The following DPP6 variants were observed in gnomAD, a reference collection of about 807,000 sequenced individuals.
The protein encoded by DPP6 is A-type potassium channel modulatory protein DPP6.
Under a neutral mutation model 122.6 loss-of-function variants are expected in DPP6, and 69 were observed. The ratio of observed to expected loss-of-function variants is 0.56; its 90% CI spans 0.46 to 0.69. The LOEUF is 0.69. Ranked by LOEUF, DPP6 falls within the 30% of genes least tolerant of loss-of-function variation. The pLI is 0.00. For synonymous variants in DPP6, 418 were observed against 433.1 expected, an observed-to-expected ratio of 0.97 and a Z score of 0.43; for missense variants, 928 against 1,116.9, an observed-to-expected ratio of 0.83 and a Z score of 2.41.
intron 1 of DPP6, among the ~76,000 whole-genome samples, chr7:154,036,020 T>TTGTGTGTGTG: frequency 1.8e-5 from 1 of 54,566 alleles, no homozygotes; most frequent in Non-Finnish European, 3.6e-5. Flanking sequence ...GCGCGCGCGC[T>TTGTGTGTGTG]TGTGTGTGTG....
chr7:154,689,139 A>G (rs1839797179), intron 7 of DPP6, among the ~76,000 whole-genome samples: 1 of 152,212 alleles, frequency 6.6e-6, no homozygotes, highest in Admixed American at 6.5e-5. Flanking sequence ...GCAGAACAGC[A>G]ATAGTGAAGA....
rs572217243 is a variant in DPP6, at chr7:153,912,764, C to T, written c.51+25030C>T. On this transcript the variant is annotated intron_variant, in intron 1 of 25. Transcript: ENST00000404039. The stretch of plus-strand genomic sequence containing the variant: ...AAAGTTTTCAAATCATACACGTGCA[C>T]AGACACACACACCTATGTTTTGCAG... Among the ~76,000 whole-genome samples, 216 of 152,264 alleles carry T rather than the reference C, an allele frequency of 1.4e-3. 2 individuals carry two copies. The highest frequency in any genetic ancestry group is 4.9e-3 in the African/African-American group (203 of 41,542).
intron 1 of DPP6, among the ~76,000 whole-genome samples, chr7:154,015,034 C>G (rs1165861736): frequency 6.6e-6 from 1 of 152,140 alleles, no homozygotes; most frequent in South Asian, 2.1e-4. Flanking sequence ...ACTGTTTTCT[C>G]ATTGACGTAC....
At chr7:154,235,468 C>T (rs780994074) in intron 1 of DPP6, among the ~76,000 whole-genome samples, 3 of 146,092 alleles carry the variant, frequency 2.1e-5, no homozygotes, top group Non-Finnish European at 3.0e-5. Flanking sequence ...GTTCCAAAAG[C>T]TAGAGAATTC....
intron 8 of DPP6, among the ~76,000 whole-genome samples, chr7:154,728,704 G>T (rs542662737): frequency 6.6e-6 from 1 of 152,306 alleles, no homozygotes; most frequent in African/African-American, 2.4e-5. Context: ...TCTGAAGCCT[G>T]GGAAGTCCAA....
the DPP6 span, among the ~76,000 whole-genome samples, chr7:153,858,446 C>T: frequency 6.6e-6 from 1 of 152,134 alleles, no homozygotes. Flanking sequence ...TGGCTCAAGA[C>T]GGGACTCTTG....
At chr7:154,181,203 T>G (rs1798064559) in intron 1 of DPP6, among the ~76,000 whole-genome samples, 1 of 152,232 alleles carries the variant, frequency 6.6e-6, no homozygotes, top group Admixed American at 6.5e-5. Context: ...GGAAAACTGC[T>G]GATTCTGAGT....
At chr7:154,072,669 G>A (rs1194851598) in intron 1 of DPP6, among the ~76,000 whole-genome samples, 9 of 152,060 alleles carry the variant, frequency 5.9e-5, no homozygotes, top group Admixed American at 1.3e-4. Flanking sequence ...GTTTTTCATT[G>A]CACACCAAGG....
At chr7:154,803,815 G>A (rs1440811544) in intron 13 of DPP6, 49 bp from the exon 14 acceptor site, 2 of 1,587,968 alleles carry the variant, frequency 1.3e-6, no homozygotes, top group Non-Finnish European at 1.7e-6. Flanking sequence ...AGCCATGCTG[G>A]GGCCGGGACA....
intron 1 of DPP6, among the ~76,000 whole-genome samples, chr7:154,026,086 G>C (rs1347582763): frequency 2.0e-5 from 3 of 149,136 alleles, no homozygotes; most frequent in Non-Finnish European, 4.5e-5. Flanking sequence ...TTTATGTATG[G>C]TGAATGCCTG....
At chr7:154,808,408 T>C (rs556235638) in intron 16 of DPP6, among the ~76,000 whole-genome samples, 2 of 152,252 alleles carry the variant, frequency 1.3e-5, no homozygotes, top group African/African-American at 4.8e-5. Context: ...GACTGAAATA[T>C]AACATTAGTG....
chr7:154,325,944 GA>G (rs1340743523), intron 1 of DPP6, among the ~76,000 whole-genome samples: 1 of 152,080 alleles, frequency 6.6e-6, no homozygotes, highest in Non-Finnish European at 1.5e-5. Flanking sequence ...CATTTTAATT[GA>G]ATCTTAAACC....
chr7:154,174,729 G>A (rs1385175035), intron 1 of DPP6, among the ~76,000 whole-genome samples: 1 of 152,072 alleles, frequency 6.6e-6, no homozygotes, highest in Non-Finnish European at 1.5e-5. Context: ...AGGAGACATC[G>A]AGTCCCTGTA....
intron 1 of DPP6, among the ~76,000 whole-genome samples, chr7:154,139,539 C>T (rs1323776772): frequency 6.6e-6 from 1 of 151,584 alleles, no homozygotes; most frequent in African/African-American, 2.4e-5. Flanking sequence ...TACCAGCTAT[C>T]TGGGAATCCC....
intron 1 of DPP6, among the ~76,000 whole-genome samples, chr7:153,986,985 T>C (rs71265474): frequency 5.3e-5 from 8 of 152,202 alleles, no homozygotes; most frequent in African/African-American, 1.7e-4. Context: ...ATTTATAGTA[T>C]GGTCACATTA....
chr7:154,313,723 ACG>A lies in DPP6; in HGVS notation c.244-132489_244-132488del, dbSNP rs1191578150. 4.7e-4 allele frequency among the ~76,000 whole-genome samples: 25 copies of A among 53,552 alleles called. 1 individual carries two copies. Among genetic ancestry groups the A allele is most frequent in the African/African-American group, 1.3e-3 (17 of 12,870 alleles). 35.1% of individuals were successfully genotyped at this position (53,552 alleles called of 152,430 possible). On this transcript the variant is annotated intron_variant, in intron 1 of 25. Transcript: ENST00000377770. ...TATATATATATATATATACACACAC[ACG>A]CACGCACACACACACACACACACAC...
At chr7:154,529,311 G>A (rs974235605) in intron 3 of DPP6, among the ~76,000 whole-genome samples, 1 of 152,152 alleles carries the variant, frequency 6.6e-6, no homozygotes. Flanking sequence ...ATCAAGGCAG[G>A]TCAGCTAAAG....
chr7:154,792,601 T>A (rs1400838613), intron 10 of DPP6, among the ~76,000 whole-genome samples: 5 of 152,102 alleles, frequency 3.3e-5, no homozygotes, highest in African/African-American at 1.2e-4. Flanking sequence ...AGGGCCAGGA[T>A]GGAGAGCAGG....
intron 1 of DPP6, among the ~76,000 whole-genome samples, chr7:154,255,063 T>G (rs575540865): frequency 6.6e-6 from 1 of 152,042 alleles, no homozygotes; most frequent in African/African-American, 2.4e-5. Context: ...AAAATAAAGA[T>G]GTAGACAATT....
Sources: allele counts gnomAD v4.1 joint callset (sites outside exome capture counted in the v4.1 genomes callset), GRCh38; gene constraint gnomAD v4.1.1; transcripts MANE v1.5; gene names NCBI Gene and HGNC (gene_info 2026-07-23, HGNC 2026-07-21).